Variants in IL7 observed in about 807,000 individuals in gnomAD.
IL7 encodes the protein interleukin 7, also known as interleukin-7.
In IL7, 3 loss-of-function variants were observed where a neutral mutation model predicts 21.6. The ratio of observed to expected loss-of-function variants is 0.14; its 90% CI spans 0.06 to 0.36. The LOEUF is 0.36. Ranked by LOEUF, IL7 falls within the 10% of genes least tolerant of loss-of-function variation. The probability of loss-of-function intolerance (pLI) is 1.00; values close to 1 mark genes in which losing one functional copy is unlikely to be tolerated. For synonymous variants in IL7, 62 were observed against 68.1 expected (o/e 0.91, Z 0.44); for missense variants, 175 against 200.2 (o/e 0.87, Z 0.76).
chr8:78,693,255 G>A (rs1165342248), intron 3 of IL7, among the ~76,000 whole-genome samples: 1 of 152,072 alleles, frequency 6.6e-6, no homozygotes, highest in Non-Finnish European at 1.5e-5. Flanking sequence ...CCAGTAATGG[G>A]ATGGCTGGGT....
At chr8:78,693,418 G>A (rs368271948) in intron 3 of IL7, among the ~76,000 whole-genome samples, 1 of 152,192 alleles carries the variant, frequency 6.6e-6, no homozygotes, top group Non-Finnish European at 1.5e-5. Flanking sequence ...TTTAATTATC[G>A]CCATTCTAAC....
intron 2 of IL7, among the ~76,000 whole-genome samples, chr8:78,771,427 A>G (rs1812950535): frequency 6.6e-6 from 1 of 152,138 alleles, no homozygotes; most frequent in Admixed American, 6.6e-5. Context: ...TAGATAATCC[A>G]ATCAGAGTAC....
intron 2 of IL7, among the ~76,000 whole-genome samples, chr8:78,763,323 A>G (rs1203479850): frequency 1.3e-5 from 2 of 152,226 alleles, no homozygotes; most frequent in Non-Finnish European, 2.9e-5. Context: ...TTATATGTTT[A>G]TTTATAAGTG....
intron 3 of IL7, chr8:78,697,459 G>A: frequency 6.2e-7 from 1 of 1,610,458 alleles, no homozygotes; most frequent in South Asian, 1.1e-5. Context: ...GCATCATCAG[G>A]ATCTTCACGA....
Position 78,761,480 on chromosome 8 carries a change from T to C in IL7, c.148-21398A>G, listed in dbSNP as rs1812553977. 1.9e-6 allele frequency: 3 copies of C among 1,611,024 alleles called. No individual in the cohort carries two copies. The African/African-American group carries it at 4.0e-5, about 22-fold the overall frequency. On this transcript the variant is annotated intron_variant, in intron 2 of 5. Transcript: ENST00000263851. ...ATACTCCATATTTAATCCCCACTTC[T>C]CAGTTATCATAGTGTGAAATTTCAC... is the stretch of plus-strand genomic sequence containing the variant.
At chr8:78,686,353 G>A (rs1388984954) in intron 3 of IL7, 2 of 877,894 alleles carry the variant, frequency 2.3e-6, no homozygotes, top group African/African-American at 3.5e-5. Context: ...ATCATTTAAG[G>A]ACTCCTGATA....
chr8:78,771,388 G>A (rs893095267), intron 2 of IL7, among the ~76,000 whole-genome samples: 1 of 151,946 alleles, frequency 6.6e-6, no homozygotes, highest in African/African-American at 2.4e-5. Flanking sequence ...TTAAGACCTG[G>A]GTCTTCCGCT....
chr8:78,677,807 G>A (rs1023221399), intron 4 of IL7, among the ~76,000 whole-genome samples: 1 of 152,190 alleles, frequency 6.6e-6, no homozygotes, highest in African/African-American at 2.4e-5. Context: ...AGTTCGCAGT[G>A]CAAAGTAAAA....
intron 2 of IL7, among the ~76,000 whole-genome samples, chr8:78,772,159 A>G (rs980554893): frequency 3.3e-5 from 5 of 152,138 alleles, no homozygotes; most frequent in African/African-American, 7.2e-5. Context: ...TAGCATGCAA[A>G]TACTGGTTTG....
chr8:78,777,424 A>T (rs1377428906), intron 2 of IL7, among the ~76,000 whole-genome samples: 1 of 152,004 alleles, frequency 6.6e-6, no homozygotes, highest in Non-Finnish European at 1.5e-5. Context: ...ATGTTGTGGC[A>T]TTAGCATTCA....
chr8:78,741,196 C>G (rs947463577), intron 2 of IL7, among the ~76,000 whole-genome samples: 1 of 152,074 alleles, frequency 6.6e-6, no homozygotes, highest in South Asian at 2.1e-4. Flanking sequence ...CTGGGTTTAC[C>G]CTGATTTTAA....
rs149151280 is a variant in IL7, at chr8:78,679,888, C to T, written n.274-3784G>A. ...ATAAGCTGTATAAATCAATATATGA[C>T]GTTTTTCTTAGTTACCTGCTGCCTA... is the stretch of plus-strand genomic sequence containing the variant. On this transcript the variant is annotated intron_variant and non_coding_transcript_variant, in intron 4 of 4. Coordinates refer to the IL7 transcript ENST00000523959. Among the ~76,000 whole-genome samples, 1,374 of 152,138 alleles carry T rather than the reference C, an allele frequency of 9.0e-3. 27 individuals carry two copies. Among genetic ancestry groups the T allele is most frequent in the African/African-American group, 0.031 (1,296 of 41,498 alleles).
chr8:78,766,957 C>A (rs568947517), intron 2 of IL7, among the ~76,000 whole-genome samples: 2 of 152,198 alleles, frequency 1.3e-5, no homozygotes, highest in East Asian at 3.9e-4. Context: ...TCAGTCTTTA[C>A]CATTTTTACC....
downstream of IL7, among the ~76,000 whole-genome samples, chr8:78,714,554 G>A (rs1486838846): frequency 1.3e-5 from 2 of 152,044 alleles, no homozygotes; most frequent in Non-Finnish European, 2.9e-5. Context: ...AAATTCATTT[G>A]AATTCCCAAG....
At chr8:78,752,958 T>C (rs1193802101) in intron 2 of IL7, among the ~76,000 whole-genome samples, 1 of 152,174 alleles carries the variant, frequency 6.6e-6, no homozygotes, top group Non-Finnish European at 1.5e-5. Context: ...TATTCCATGG[T>C]GTATATGTGC....
chr8:78,756,082 G>A (rs1051802243), intron 2 of IL7, among the ~76,000 whole-genome samples: 1 of 151,958 alleles, frequency 6.6e-6, no homozygotes, highest in Non-Finnish European at 1.5e-5. Flanking sequence ...TGCTAGTTGA[G>A]ATAATCATAT....
downstream of IL7, among the ~76,000 whole-genome samples, chr8:78,717,099 C>T (rs1811129985): frequency 6.6e-6 from 1 of 151,964 alleles, no homozygotes; most frequent in South Asian, 2.1e-4. Flanking sequence ...GAAAGCATGG[C>T]TGCATTTGGT....
chr8:78,695,837 G>A (rs1340883028), intron 3 of IL7, among the ~76,000 whole-genome samples: 1 of 152,076 alleles, frequency 6.6e-6, no homozygotes, highest in Admixed American at 6.5e-5. Context: ...TGCAAAACGT[G>A]AATGCTACTT....
chr8:78,744,946 C>T (rs1191961456), intron 2 of IL7, among the ~76,000 whole-genome samples: 1 of 152,156 alleles, frequency 6.6e-6, no homozygotes, highest in African/African-American at 2.4e-5. Context: ...GGTGGGCTGT[C>T]GTCCTGCCTT....
Sources: gnomAD v4.1 joint callset for allele counts (sites outside exome capture counted in the v4.1 genomes callset) on GRCh38, gnomAD v4.1.1 for gene constraint, MANE v1.5 for transcripts, NCBI Gene and HGNC (gene_info 2026-07-23, HGNC 2026-07-21) for gene names.